The following HPS5 variants were observed in gnomAD, a reference collection of about 807,000 sequenced individuals.
HPS5 encodes the protein BLOC-2 complex member HPS5.
A neutral mutation model predicts 128.0 loss-of-function variants in HPS5; 83 were observed. That is an observed-to-expected ratio of 0.65 (90% CI 0.54 to 0.78). HPS5 has a LOEUF of 0.78. Among genes scored for constraint, HPS5 ranks in the 30% least tolerant of loss-of-function variants. The probability of loss-of-function intolerance (pLI) is 0.00; values close to 1 mark genes in which losing one functional copy is unlikely to be tolerated. For missense variants in HPS5, 1,281 were observed against 1,326.2 expected (o/e 0.97, Z 0.53); for synonymous variants, 475 against 470.2 (o/e 1.01, Z -0.13).
chr11:18,296,426 C>G, intron 12 of HPS5: 1 of 539,528 alleles, frequency 1.9e-6, no homozygotes, highest in East Asian at 3.2e-5. Context: ...ACTCGCACAT[C>G]GAAAAAGGAA....
intron 8 of HPS5, among the ~76,000 whole-genome samples, chr11:18,302,824 G>GC (rs1361109524): frequency 2.8e-5 from 2 of 71,010 alleles, no homozygotes; most frequent in Non-Finnish European, 6.1e-5. Flanking sequence ...AAAAAAAGCG[G>GC]GGGGGGGGGG....
At chr11:18,311,241 T>C in intron 4 of HPS5, 146 bp downstream of exon 4, 1 of 679,088 alleles carries the variant, frequency 1.5e-6, no homozygotes, top group Non-Finnish European at 2.6e-6. Context: ...TGCTGGGTAC[T>C]GAGAGATTTC....
chr11:18,316,609 A>G (rs766688935), intron 2 of HPS5, among the ~76,000 whole-genome samples: 1 of 152,234 alleles, frequency 6.6e-6, no homozygotes, highest in Non-Finnish European at 1.5e-5. Flanking sequence ...TTATACCTCT[A>G]TGTAAAGTGT....
chr11:18,310,678 G>C (rs184599001), intron 5 of HPS5, 63 bp downstream of exon 5: 1 of 1,281,734 alleles, frequency 7.8e-7, no homozygotes, highest in South Asian at 1.3e-5. Flanking sequence ...CCTTTAATTG[G>C]AAGTTTTATA....
intron 10 of HPS5, 63 bp from the exon 11 acceptor site, chr11:18,297,780 T>G: frequency 5.4e-6 from 8 of 1,474,306 alleles, no homozygotes; most frequent in East Asian, 2.3e-5. Flanking sequence ...AAATGGCCAA[T>G]ATATTGAAAG....
chr11:18,314,555 A>T (rs1041719220), intron 2 of HPS5: 7 of 152,088 alleles, frequency 4.6e-5, no homozygotes, highest in Non-Finnish European at 1.0e-4. Context: ...ATAAATAAAT[A>T]AATAAATAAT....
intron 18 of HPS5, chr11:18,286,952 CAAAT>C (rs1342020872): frequency 3.3e-6 from 2 of 615,318 alleles, no homozygotes; most frequent in East Asian, 2.7e-5. Context: ...AAGAAAGAGA[CAAAT>C]AAAAACCAGT....
rs376541410 is a variant in HPS5, at chr11:18,288,007, G to A, written c.2447C>T (p.Ala816Val). The change falls in exon 17 of 23, where the codon GCA becomes GTA. Residue 816 changes from alanine (A) to valine (V), a missense_variant. Physicochemically the swap from Ala to Val is moderately conservative, Grantham distance 64. Coordinates refer to ENST00000349215, the MANE Select transcript of HPS5 (RefSeq NM_181507.2). ...CTCCATATACACAGGATTGGAACTT[G>A]CCATTTCTGAAATATAAAGCATATC... ...DTFIEGLKEM[A>V]SSNPVYMEME... 2 of 1,613,540 alleles carry A rather than the reference G, an allele frequency of 1.2e-6. No individual in the cohort carries two copies. The highest frequency in any genetic ancestry group is 1.7e-6 in the Non-Finnish European group (2 of 1,179,828).
At chr11:18,292,154 A>G in intron 15 of HPS5, 135 bp from the exon 16 acceptor site, 2 of 682,958 alleles carry the variant, frequency 2.9e-6, no homozygotes, top group Non-Finnish European at 5.1e-6. Flanking sequence ...CTCTTTAAAT[A>G]AAAACTATCT....
chr11:18,279,795 C>A lies in HPS5; in HGVS notation c.*87G>T, dbSNP rs997275860. 8.3e-6 allele frequency: 11 copies of A among 1,321,030 alleles called. No individual in the cohort carries two copies. The highest frequency in any genetic ancestry group is 1.2e-5 in the Non-Finnish European group (11 of 919,402). 81.8% of individuals were successfully genotyped at this position (1,321,030 alleles called of 1,614,324 possible). On this transcript the variant is annotated 3_prime_UTR_variant, in exon 23 of 23. Transcript: ENST00000349215. ...GGCAGGATTTGGGGGTGGTGTCTTT[C>A]CTTCAATAACAAATGCGTTCAGAAG...
At chr11:18,288,449 T>C (rs752966149) in intron 16 of HPS5, among the ~76,000 whole-genome samples, 12 of 152,180 alleles carry the variant, frequency 7.9e-5, no homozygotes, top group Non-Finnish European at 1.5e-4. Flanking sequence ...TGAAATTAAT[T>C]TTAAAATATT....
intron 16 of HPS5, among the ~76,000 whole-genome samples, chr11:18,288,510 C>T (rs1017662319): frequency 2.0e-5 from 3 of 151,000 alleles, no homozygotes; most frequent in Admixed American, 6.6e-5. Flanking sequence ...CTCTGAAGAA[C>T]AGAAGATTTG....
chr11:18,279,317 G>A lies in HPS5; in HGVS notation c.*565C>T, dbSNP rs1011840534. 11 of 156,684 alleles carry A rather than the reference G, an allele frequency of 7.0e-5. No individual in the cohort carries two copies. The highest frequency in any genetic ancestry group is 1.6e-4 in the Non-Finnish European group (11 of 70,902). The allele number at this position is 156,684 out of a possible 1,614,324, so 9.7% of individuals were successfully genotyped here. A position where few individuals can be genotyped will look rare whatever the true frequency, so the allele number is the denominator to read the frequency against. On this transcript the variant is annotated 3_prime_UTR_variant, in exon 23 of 23. Transcript: ENST00000349215. Reference sequence around the variant, plus strand: ...TCCAAAGGGTTGGGATTACAGGCCTGAGCCACTGCACCCAGTCCCATTTTA... The same window carrying A: ...TCCAAAGGGTTGGGATTACAGGCCTAAGCCACTGCACCCAGTCCCATTTTA...
intron 1 of HPS5, among the ~76,000 whole-genome samples, chr11:18,321,572 C>A (rs1167236564): frequency 6.6e-6 from 1 of 152,230 alleles, no homozygotes; most frequent in Non-Finnish European, 1.5e-5. Flanking sequence ...ATCCAAATCT[C>A]ATCTTTCCAT....
intron 21 of HPS5, among the ~76,000 whole-genome samples, 196 bp downstream of exon 21, chr11:18,283,595 CTTAA>C (rs1440376330): frequency 1.3e-5 from 2 of 152,040 alleles, no homozygotes; most frequent in South Asian, 2.1e-4. Context: ...ATAGTTTATT[CTTAA>C]TTGTGATTTC....
chr11:18,282,775 G>A (rs898538902), intron 21 of HPS5, among the ~76,000 whole-genome samples: 4 of 152,188 alleles, frequency 2.6e-5, no homozygotes, highest in African/African-American at 4.8e-5. Flanking sequence ...AAGCATCAGA[G>A]AGAATGGCTG....
chr11:18,298,708 TC>T (rs1365889312), intron 10 of HPS5, 83 bp downstream of exon 10: 1 of 1,397,312 alleles, frequency 7.2e-7, no homozygotes, highest in East Asian at 2.3e-5. Flanking sequence ...GTTAATAAAA[TC>T]AAGCAACTTT....
chr11:18,291,727 C>T lies in HPS5; in HGVS notation c.2155G>A (p.Asp719Asn). 6.2e-7 allele frequency: 1 copy of T among 1,614,224 alleles called. No individual in the cohort carries two copies. Reference protein sequence around the residue: ...CVRSPRESLDDLFQICSPCAI... With the variant: ...CVRSPRESLDNLFQICSPCAI... The stretch of plus-strand genomic sequence containing the variant: ...CATGGAGAACATATTTGAAACAGGT[C>T]ATCCAAAGACTCCCTTGGACTCCTT... Residue 719 changes from aspartate (D) to asparagine (N), a missense_variant, in exon 16 of 23, where the codon GAC becomes AAC. Physicochemically the swap from Asp to Asn is conservative, Grantham distance 23 (BLOSUM62 1). Transcript: ENST00000349215.
chr11:18,283,470 T>G (rs535836812), intron 21 of HPS5, among the ~76,000 whole-genome samples: 1 of 150,960 alleles, frequency 6.6e-6, no homozygotes, highest in Non-Finnish European at 1.5e-5. Flanking sequence ...ATCTGGAAAG[T>G]GGAAATAATA....
Sources: gnomAD v4.1 joint callset for allele counts (sites outside exome capture counted in the v4.1 genomes callset) on GRCh38, gnomAD v4.1.1 for gene constraint, MANE v1.5 for transcripts, NCBI Gene and HGNC (gene_info 2026-07-23, HGNC 2026-07-21) for gene names.